Variants in SORCS2 observed in about 807,000 individuals in gnomAD.
SORCS2 encodes the protein sortilin related VPS10 domain containing receptor 2, also known as VPS10 domain-containing receptor SorCS2.
SORCS2 carries 100 observed loss-of-function variants against 141.6 expected under a neutral mutation model. The ratio of observed to expected loss-of-function variants is 0.71; its 90% CI spans 0.60 to 0.83. The LOEUF is 0.83. SORCS2 is among the 40% of genes least tolerant of loss of function. SORCS2 has a pLI of 0.00. For synonymous variants in SORCS2, 789 were observed against 676.9 expected, an observed-to-expected ratio of 1.17 and a Z score of -2.57; for missense variants, 1,646 against 1,560.2, an observed-to-expected ratio of 1.05 and a Z score of -0.93.
At chr4:7,611,991 T>C (rs1307406501) in intron 3 of SORCS2, among the ~76,000 whole-genome samples, 4 of 152,172 alleles carry the variant, frequency 2.6e-5, no homozygotes, top group African/African-American at 9.7e-5. Flanking sequence ...GGCTCTGCCG[T>C]GGGTTCCGGT....
chr4:7,411,843 C>T (rs1297618638), intron 2 of SORCS2, among the ~76,000 whole-genome samples: 2 of 152,286 alleles, frequency 1.3e-5, no homozygotes, highest in Middle Eastern at 6.8e-3. Context: ...TGTAAGACTT[C>T]CTGGAAGGAG....
chr4:7,644,378 G>A (rs11936769), intron 4 of SORCS2, among the ~76,000 whole-genome samples: 1 of 152,118 alleles, frequency 6.6e-6, no homozygotes, highest in Non-Finnish European at 1.5e-5. Context: ...CCCTCCAGAG[G>A]TGGAGGGTGG....
chr4:7,717,933 C>T, intron 17 of SORCS2, 79 bp from the exon 18 acceptor site: 1 of 1,419,408 alleles, frequency 7.0e-7, no homozygotes. Flanking sequence ...GGGTGGCAAG[C>T]ACGTCCCTCC....
At chr4:7,305,925 T>A (rs905303089) in intron 1 of SORCS2, among the ~76,000 whole-genome samples, 1 of 151,936 alleles carries the variant, frequency 6.6e-6, no homozygotes, top group Non-Finnish European at 1.5e-5. Context: ...CACGGAGGGG[T>A]GAGGCTGGGG....
At chr4:7,680,207 A>G (rs1208725810) in intron 9 of SORCS2, among the ~76,000 whole-genome samples, 1 of 152,214 alleles carries the variant, frequency 6.6e-6, no homozygotes, top group Admixed American at 6.5e-5. Context: ...GCTTGTCCGA[A>G]GTCTAGCACA....
intron 3 of SORCS2, among the ~76,000 whole-genome samples, chr4:7,544,698 T>C (rs1043788957): frequency 2.6e-5 from 4 of 152,214 alleles, no homozygotes; most frequent in Non-Finnish European, 4.4e-5. Flanking sequence ...ACCCCCTAGC[T>C]ATGGGTGAGC....
At chr4:7,524,990 G>A (rs189503698) in intron 2 of SORCS2, among the ~76,000 whole-genome samples, 117 of 152,332 alleles carry the variant, frequency 7.7e-4, no homozygotes, top group Middle Eastern at 6.8e-3. Context: ...TCCAGAGAGC[G>A]GGAGCTTAAC....
intron 4 of SORCS2, 64 bp from the exon 5 acceptor site, chr4:7,654,070 C>G (rs772520841): frequency 7.1e-7 from 1 of 1,415,306 alleles, no homozygotes; most frequent in Non-Finnish European, 9.8e-7. Context: ...ACATCACCCT[C>G]TCTCAGAAGC....
At chr4:7,414,954 G>T (rs1372780546) in intron 2 of SORCS2, among the ~76,000 whole-genome samples, 1 of 151,122 alleles carries the variant, frequency 6.6e-6, no homozygotes, top group Admixed American at 6.6e-5. Context: ...TTAGTGTCTT[G>T]TAAATTAAGG....
At chr4:7,526,463 C>T (rs1484767135) in intron 2 of SORCS2, among the ~76,000 whole-genome samples, 4 of 142,856 alleles carry the variant, frequency 2.8e-5, no homozygotes, top group East Asian at 1.9e-4. Context: ...GTGGAAAAGG[C>T]GTAACTATGA....
chr4:7,447,922 G>A (rs1728102740), intron 2 of SORCS2, among the ~76,000 whole-genome samples: 1 of 151,632 alleles, frequency 6.6e-6, no homozygotes, highest in Non-Finnish European at 1.5e-5. Flanking sequence ...GCCCCTAGAT[G>A]TGGCCTTCAC....
chr4:7,222,938 G>A (rs958337965), intron 1 of SORCS2, among the ~76,000 whole-genome samples: 1 of 152,172 alleles, frequency 6.6e-6, no homozygotes, highest in Non-Finnish European at 1.5e-5. Context: ...AACACGCAAA[G>A]ACTTCTTTGC....
At chr4:7,281,342 C>G (rs1215257336) in intron 1 of SORCS2, among the ~76,000 whole-genome samples, 1 of 152,096 alleles carries the variant, frequency 6.6e-6, no homozygotes, top group Non-Finnish European at 1.5e-5. Flanking sequence ...GCAAAACTGT[C>G]TCATTTCTCC....
intron 1 of SORCS2, among the ~76,000 whole-genome samples, chr4:7,330,366 G>C (rs750952100): frequency 6.6e-6 from 1 of 151,994 alleles, no homozygotes; most frequent in African/African-American, 2.4e-5. Context: ...AGAGCTTCTC[G>C]GCAAATTTCA....
At chr4:7,462,374 T>G (rs999901625) in intron 2 of SORCS2, among the ~76,000 whole-genome samples, 1 of 152,208 alleles carries the variant, frequency 6.6e-6, no homozygotes, top group Non-Finnish European at 1.5e-5. Flanking sequence ...ACGAAGGATC[T>G]AAAGACGGGC....
intron 2 of SORCS2, among the ~76,000 whole-genome samples, chr4:7,397,097 C>T (rs1187675903): frequency 3.9e-5 from 6 of 152,210 alleles, no homozygotes; most frequent in Non-Finnish European, 7.3e-5. Context: ...TGGTTTCCAA[C>T]ATATGTTTCT....
At chr4:7,643,284 G>T (rs949125508) in intron 4 of SORCS2, among the ~76,000 whole-genome samples, 1 of 152,168 alleles carries the variant, frequency 6.6e-6, no homozygotes. Flanking sequence ...GGAAGTGAGA[G>T]CCCAGCAGTC....
intron 2 of SORCS2, among the ~76,000 whole-genome samples, chr4:7,483,074 A>G (rs1014112515): frequency 9.9e-5 from 15 of 152,088 alleles, no homozygotes; most frequent in Non-Finnish European, 4.4e-5. Context: ...TAATCCCAGC[A>G]CTTTGGGAGG....
chr4:7,333,292 C>T (rs901204845), intron 1 of SORCS2, among the ~76,000 whole-genome samples: 6 of 152,180 alleles, frequency 3.9e-5, no homozygotes, highest in African/African-American at 1.4e-4. Flanking sequence ...GAGTGACTTC[C>T]TAGCTGAGTC....
Sources: allele counts gnomAD v4.1 joint callset (sites outside exome capture counted in the v4.1 genomes callset), GRCh38; gene constraint gnomAD v4.1.1; transcripts MANE v1.5; gene names NCBI Gene and HGNC (gene_info 2026-07-23, HGNC 2026-07-21).